CARMIL1: variants seen among roughly 807,000 people sequenced by gnomAD.
The protein encoded by CARMIL1 is capping protein regulator and myosin 1 linker 1.
A neutral mutation model predicts 177.1 loss-of-function variants in CARMIL1; 90 were observed. The observed-to-expected ratio is 0.51, with a 90% confidence interval of 0.43 to 0.61. The LOEUF (loss-of-function observed/expected upper bound fraction) is 0.61, where lower values mean the gene tolerates loss of function less well. Ranked by LOEUF, CARMIL1 falls within the 20% of genes least tolerant of loss-of-function variation. The pLI, the probability that CARMIL1 is intolerant of heterozygous loss-of-function variation, is 0.00. For missense variants in CARMIL1, 1,380 were observed against 1,667.0 expected (o/e 0.83, Z 3.00); for synonymous variants, 577 against 606.2 (o/e 0.95, Z 0.71).
At chr6:25,607,686 A>T (rs1175611352) in intron 35 of CARMIL1, among the ~76,000 whole-genome samples, 1 of 152,204 alleles carries the variant, frequency 6.6e-6, no homozygotes, top group African/African-American at 2.4e-5. Context: ...AAAAAGGTAG[A>T]ATCCTGTGTG....
At chr6:25,571,567 C>T (rs1257641668) in intron 29 of CARMIL1, among the ~76,000 whole-genome samples, 1 of 152,054 alleles carries the variant, frequency 6.6e-6, no homozygotes, top group Non-Finnish European at 1.5e-5. Context: ...TATTAATTAC[C>T]AAGGGAATTA....
intron 26 of CARMIL1, among the ~76,000 whole-genome samples, chr6:25,546,567 G>T (rs1445969969): frequency 6.6e-6 from 1 of 150,906 alleles, no homozygotes; most frequent in Non-Finnish European, 1.5e-5. Flanking sequence ...GGACATGGTG[G>T]CCCATACCTG....
chr6:25,504,021 G>C (rs1418691034), intron 17 of CARMIL1, among the ~76,000 whole-genome samples: 2 of 152,108 alleles, frequency 1.3e-5, no homozygotes, highest in Non-Finnish European at 2.9e-5. Flanking sequence ...ACCTCAGCCA[G>C]GGAAACAGAA....
At chr6:25,547,232 G>A (rs570424133) in intron 26 of CARMIL1, among the ~76,000 whole-genome samples, 2 of 152,220 alleles carry the variant, frequency 1.3e-5, no homozygotes, top group East Asian at 3.9e-4. Flanking sequence ...TGTTACAGAT[G>A]TCAGTTTTTC....
intron 2 of CARMIL1, among the ~76,000 whole-genome samples, chr6:25,418,234 A>G (rs1313559130): frequency 1.3e-5 from 2 of 152,196 alleles, no homozygotes; most frequent in African/African-American, 4.8e-5. Flanking sequence ...ACCTTGTGCA[A>G]ACAGAAAGAG....
intron 27 of CARMIL1, among the ~76,000 whole-genome samples, chr6:25,553,594 G>A (rs955116036): frequency 6.6e-6 from 1 of 152,168 alleles, no homozygotes; most frequent in African/African-American, 2.4e-5. Context: ...TGAGTGATAC[G>A]CATACTAAAG....
At chr6:25,459,266 C>CTTTCTTTCTTTCT in intron 8 of CARMIL1, among the ~76,000 whole-genome samples, 3 of 73,770 alleles carry the variant, frequency 4.1e-5, no homozygotes, top group African/African-American at 9.8e-5. Flanking sequence ...TTCTTTCTTT[C>CTTTCTTTCTTTCT]TTTTTTTTTT....
At chr6:25,437,819 T>C (rs9358857) in intron 5 of CARMIL1, among the ~76,000 whole-genome samples, 33,904 of 152,212 alleles carry the variant, frequency 0.22, 4,265 homozygotes, top group Non-Finnish European at 0.28. Context: ...AATATTATCT[T>C]AATATCTCGT....
At chr6:25,471,814 T>C (rs1801126223) in intron 10 of CARMIL1, among the ~76,000 whole-genome samples, 3 of 152,192 alleles carry the variant, frequency 2.0e-5, no homozygotes, top group Admixed American at 2.0e-4. Flanking sequence ...ATAGTCTTTA[T>C]CTAGTGGTTT....
intron 31 of CARMIL1, among the ~76,000 whole-genome samples, chr6:25,586,627 G>C (rs908969641): frequency 6.6e-6 from 1 of 151,970 alleles, no homozygotes. Flanking sequence ...AGGTTGTAGC[G>C]AGCCGAGATC....
intron 29 of CARMIL1, 51 bp downstream of exon 29, chr6:25,556,901 A>G: frequency 1.5e-6 from 2 of 1,349,810 alleles, no homozygotes; most frequent in Admixed American, 2.5e-5. Context: ...GGACTGTGCC[A>G]TTGTTTTTTT....
intron 1 of CARMIL1, among the ~76,000 whole-genome samples, chr6:25,280,981 G>C (rs1374273750): frequency 6.6e-6 from 1 of 152,016 alleles, no homozygotes; most frequent in Admixed American, 6.5e-5. Context: ...CCTTCCGTTG[G>C]TGACTGTTAA....
rs1205259286 is a variant in CARMIL1, at chr6:25,619,868, G to A, written c.*285G>A. ...ATTCCTTCATATGCCTTTAATGAAA[G>A]CCAGCAATTATCCCATGGGCCCTAC... On this transcript the variant is annotated 3_prime_UTR_variant, in exon 37 of 37. Transcript: ENST00000329474. 1 of 191,838 alleles carries A rather than the reference G, an allele frequency of 5.2e-6. No individual in the cohort carries two copies. The highest frequency in any genetic ancestry group is 2.4e-5 in the African/African-American group (1 of 41,458). The allele number at this position is 191,838 out of a possible 1,614,324, so 11.9% of individuals were successfully genotyped here. A position where few individuals can be genotyped will look rare whatever the true frequency, so the allele number is the denominator to read the frequency against.
intron 24 of CARMIL1, among the ~76,000 whole-genome samples, chr6:25,532,201 C>T (rs1807833455): frequency 6.6e-6 from 1 of 151,702 alleles, no homozygotes; most frequent in African/African-American, 2.4e-5. Context: ...CGGGTTCAAG[C>T]GATTCTCCTG....
intron 5 of CARMIL1, among the ~76,000 whole-genome samples, chr6:25,444,808 A>G (rs1378236331): frequency 6.6e-6 from 1 of 152,166 alleles, no homozygotes; most frequent in Admixed American, 6.5e-5. Flanking sequence ...AGTCTTTGCT[A>G]TTGTGAATAG....
chr6:25,539,494 A>T (rs1171512166), intron 25 of CARMIL1, among the ~76,000 whole-genome samples: 1 of 151,876 alleles, frequency 6.6e-6, no homozygotes. Context: ...GCATGGTGGT[A>T]TGTGCCTGTA....
chr6:25,518,741 T>C (rs933163515), intron 22 of CARMIL1, among the ~76,000 whole-genome samples: 6 of 152,202 alleles, frequency 3.9e-5, no homozygotes, highest in Non-Finnish European at 8.8e-5. Flanking sequence ...CATTTCCAGA[T>C]TGACTGTTGG....
At chr6:25,539,801 T>C in intron 25 of CARMIL1, 146 bp from the exon 26 acceptor site, 1 of 522,112 alleles carries the variant, frequency 1.9e-6, no homozygotes, top group Non-Finnish European at 3.1e-6. Context: ...AGTCTGGACC[T>C]CAGTTTATTA....
chr6:25,421,416 A>G (rs998126496), intron 3 of CARMIL1, among the ~76,000 whole-genome samples: 8 of 152,272 alleles, frequency 5.3e-5, no homozygotes, highest in Non-Finnish European at 8.8e-5. Context: ...GCACTTTTAC[A>G]CTGTTGGTGG....
Sources: allele counts gnomAD v4.1 joint callset (sites outside exome capture counted in the v4.1 genomes callset), GRCh38; gene constraint gnomAD v4.1.1; transcripts MANE v1.5; gene names NCBI Gene and HGNC (gene_info 2026-07-23, HGNC 2026-07-21).